The following PPM1G variants were observed in gnomAD, a reference collection of about 807,000 sequenced individuals.
PPM1G encodes the protein protein phosphatase, Mg2+/Mn2+ dependent 1G.
Under a neutral mutation model 59.4 loss-of-function variants are expected in PPM1G, and 12 were observed. The ratio of observed to expected loss-of-function variants is 0.20; its 90% confidence interval spans 0.13 to 0.33. The LOEUF is 0.33. Among genes scored for constraint, PPM1G ranks in the 10% least tolerant of loss-of-function variants. PPM1G has a pLI of 1.00. For synonymous variants in PPM1G, 245 were observed against 251.9 expected, an observed-to-expected ratio of 0.97 and a Z score of 0.26; for missense variants, 392 against 681.3, an observed-to-expected ratio of 0.58 and a Z score of 4.73.
intron 1 of PPM1G, among the ~76,000 whole-genome samples, chr2:27,392,482 A>G (rs763067739): frequency 2.0e-5 from 3 of 150,870 alleles, no homozygotes; most frequent in Non-Finnish European, 4.4e-5. Flanking sequence ...TTTAGTAGAC[A>G]CGGGGTTTCA....
chr2:27,385,567 A>G lies in PPM1G; in HGVS notation c.409+180T>C, dbSNP rs1683742630. 4.0e-6 allele frequency: 3 copies of G among 746,912 alleles called. No homozygotes were observed. Among genetic ancestry groups the G allele is most frequent in the Admixed American group, 3.2e-5 (1 of 31,236 alleles). The allele number at this position is 746,912 out of a possible 1,614,324, so 46.3% of individuals were successfully genotyped here. A position where few individuals can be genotyped will look rare whatever the true frequency, so the allele number is the denominator to read the frequency against. On this transcript the variant is annotated intron_variant, in intron 4 of 9. Transcript: ENST00000344034. This position sits in a 1 kb window ranked among gnomAD's most constrained non-coding sequence, Gnocchi z 4.1. The stretch of plus-strand genomic sequence containing the variant: ...CTTACAGCTCAGATGCCACTCAACG[A>G]AGATAATTCTCTCCCTCCTTTTCAT...
intron 1 of PPM1G, chr2:27,393,494 G>C (rs1051076336): frequency 1.4e-6 from 1 of 723,752 alleles, no homozygotes; most frequent in Non-Finnish European, 2.5e-6. Flanking sequence ...ATGGGCGGCC[G>C]GCCGGGGTGC....
chr2:27,395,288 T>C, intron 1 of PPM1G, among the ~76,000 whole-genome samples: 1 of 149,682 alleles, frequency 6.7e-6, no homozygotes, highest in African/African-American at 2.5e-5. Flanking sequence ...TTCTAGCACC[T>C]TGGGAGGCTG....
intron 1 of PPM1G, among the ~76,000 whole-genome samples, chr2:27,403,144 T>C (rs1040061113): frequency 1.3e-4 from 20 of 151,902 alleles, no homozygotes; most frequent in African/African-American, 4.8e-4. Context: ...AATACATAAA[T>C]AATTTAAAAA....
At chr2:27,397,090 A>G (rs1459368417) in intron 1 of PPM1G, among the ~76,000 whole-genome samples, 1 of 152,012 alleles carries the variant, frequency 6.6e-6, no homozygotes, top group Non-Finnish European at 1.5e-5. Flanking sequence ...GCTGGTCTCA[A>G]ACTCCCGACC....
chr2:27,392,891 A>C (rs1403590897), intron 1 of PPM1G: 2 of 1,432,228 alleles, frequency 1.4e-6, no homozygotes, highest in Non-Finnish European at 1.9e-6. Context: ...TGGTCACCCA[A>C]TTCTTTGATG....
At position 27,384,054 on chromosome 2, in the gene PPM1G, C is replaced by G; in HGVS notation, c.864G>C (p.Glu288Asp). Residue 288 changes from glutamate (E) to aspartate (D), a missense_variant, in exon 6 of 10, where the codon GAG becomes GAC. By Grantham distance (45) the Glu-to-Asp change is conservative. Coordinates refer to ENST00000344034, the MANE Select transcript of PPM1G (RefSeq NM_177983.3). This position sits in a 1 kb window ranked among gnomAD's most constrained non-coding sequence, Gnocchi z 4.8. ...CATCCTCATCTTCCTCATTCTCTGC[C>G]TCCTCACTGCTGTAGCCATCCTCTT... Reference protein sequence around the residue: ...SEEEDGYSSEEAENEEDEDDT... With the variant: ...SEEEDGYSSEDAENEEDEDDT... 1 of 1,613,292 alleles carries G rather than the reference C, an allele frequency of 6.2e-7. No individual in the cohort carries two copies. Among genetic ancestry groups the G allele is most frequent in the Non-Finnish European group, 8.5e-7 (1 of 1,179,652 alleles).
chr2:27,391,732 CTTTCTT>C (rs1220785446), intron 1 of PPM1G, among the ~76,000 whole-genome samples: 1 of 149,360 alleles, frequency 6.7e-6, no homozygotes, highest in East Asian at 2.0e-4. Context: ...TTCTTTTTTT[CTTTCTT>C]TTTTTTTTTT....
intron 1 of PPM1G, among the ~76,000 whole-genome samples, chr2:27,405,949 G>A (rs914836759): frequency 6.6e-6 from 1 of 152,086 alleles, no homozygotes; most frequent in Non-Finnish European, 1.5e-5. Flanking sequence ...GTTGCAGTGA[G>A]CCGAGATCAT....
At chr2:27,394,927 AAATAAT>A (rs1027547783) in intron 1 of PPM1G, among the ~76,000 whole-genome samples, 1 of 151,836 alleles carries the variant, frequency 6.6e-6, no homozygotes, top group Admixed American at 6.6e-5. Flanking sequence ...GAACTATTAA[AAATAAT>A]AATAATAAAA....
At chr2:27,399,877 T>G (rs963208216) in intron 1 of PPM1G, among the ~76,000 whole-genome samples, 85 of 151,238 alleles carry the variant, frequency 5.6e-4, no homozygotes, top group African/African-American at 1.8e-3. Context: ...TTCCACTCTT[T>G]GGTATATAAC....
At chr2:27,402,806 CAATAAATAAATAAATAAATAAATA>C (rs201750083) in intron 1 of PPM1G, among the ~76,000 whole-genome samples, 8 of 140,902 alleles carry the variant, frequency 5.7e-5, no homozygotes, top group South Asian at 2.2e-4. Flanking sequence ...GACTCCATCT[CAATAAATAAATAAATAAATAAATA>C]AATAAATAAA....
intron 1 of PPM1G, among the ~76,000 whole-genome samples, chr2:27,404,585 C>A (rs1243935623): frequency 6.6e-6 from 1 of 151,808 alleles, no homozygotes; most frequent in East Asian, 1.9e-4. Context: ...CCATAGAAAG[C>A]AGTTTTGTCA....
At position 27,382,062 on chromosome 2, in the gene PPM1G, G is replaced by A. The variant is rs1683645986; in HGVS notation, c.1434+64C>T. Reference sequence around the variant, plus strand: ...GCTCCCAGATTGCCGACTTAGCTCAGATTAAAAGAGTGAACCCTGGCTGTG... The same window carrying A: ...GCTCCCAGATTGCCGACTTAGCTCAAATTAAAAGAGTGAACCCTGGCTGTG... On this transcript the variant is annotated intron_variant, in intron 9 of 9. Transcript: ENST00000344034. This position sits in a 1 kb window ranked among gnomAD's most constrained non-coding sequence, Gnocchi z 4.2. The A allele has an allele frequency of 6.6e-7, 1 of 1,507,644 alleles. No homozygotes were observed. Among genetic ancestry groups the A allele is most frequent in the African/African-American group, 1.4e-5 (1 of 72,592 alleles). 93.4% of individuals were successfully genotyped at this position (1,507,644 alleles called of 1,614,324 possible). A position where few individuals can be genotyped will look rare whatever the true frequency, so the allele number is the denominator to read the frequency against.
chr2:27,393,146 C>G, intron 1 of PPM1G: 1 of 1,412,032 alleles, frequency 7.1e-7, no homozygotes, highest in Middle Eastern at 2.4e-4. Context: ...CTCGTTGGTT[C>G]TACAGCTTCA....
intron 1 of PPM1G, among the ~76,000 whole-genome samples, chr2:27,389,507 C>G (rs1683846393): frequency 6.6e-6 from 1 of 152,018 alleles, no homozygotes; most frequent in African/African-American, 2.4e-5. Flanking sequence ...CATGTCTGCT[C>G]ATAACCTTTA....
intron 1 of PPM1G, among the ~76,000 whole-genome samples, chr2:27,394,990 GAGGCCA>G (rs1429065893): frequency 6.6e-6 from 1 of 151,970 alleles, no homozygotes; most frequent in African/African-American, 2.4e-5. Context: ...AACACTTTGG[GAGGCCA>G]AGGCGGGTGG....
At chr2:27,387,706 G>T (rs1038200706) in intron 1 of PPM1G, among the ~76,000 whole-genome samples, 2 of 152,012 alleles carry the variant, frequency 1.3e-5, no homozygotes, top group East Asian at 3.9e-4. Flanking sequence ...TCACCATGTT[G>T]GTCAGGCTGG....
chr2:27,381,926 T>A (rs1683640838), intron 9 of PPM1G, 121 bp from the exon 10 acceptor site: 1 of 1,080,456 alleles, frequency 9.3e-7, no homozygotes. Context: ...GCAAGAGGTA[T>A]CACACAACGG....
Sources: gnomAD v4.1 joint callset for allele counts (sites outside exome capture counted in the v4.1 genomes callset) on GRCh38, gnomAD v4.1.1 for gene constraint, Gnocchi (gnomAD v3.1) non-coding constraint, MANE v1.5 for transcripts, NCBI Gene and HGNC (gene_info 2026-07-23, HGNC 2026-07-21) for gene names.